The following KCNIP1 variants were observed in gnomAD, a reference collection of about 807,000 sequenced individuals.
The protein encoded by KCNIP1 is A-type potassium channel modulatory protein KCNIP1.
In KCNIP1, 18 loss-of-function variants were observed where a neutral mutation model predicts 33.0. The ratio of observed to expected loss-of-function variants is 0.55; its 90% CI spans 0.38 to 0.81. The LOEUF is 0.81. Ranked by LOEUF, KCNIP1 falls within the 30% of genes least tolerant of loss-of-function variation. The pLI, the probability that KCNIP1 is intolerant of heterozygous loss-of-function variation, is 0.00. For missense variants in KCNIP1, 238 were observed against 271.6 expected (o/e 0.88, Z 0.87); for synonymous variants, 93 against 98.3 (o/e 0.95, Z 0.32).
chr5:170,408,560 T>C (rs537491416), intron 1 of KCNIP1, among the ~76,000 whole-genome samples: 3 of 152,284 alleles, frequency 2.0e-5, no homozygotes, highest in African/African-American at 7.2e-5. Context: ...CTGCTTTCCA[T>C]GTGTCAGACA....
chr5:170,415,894 T>C (rs1297691538), intron 1 of KCNIP1, among the ~76,000 whole-genome samples: 2 of 152,056 alleles, frequency 1.3e-5, no homozygotes, highest in Admixed American at 6.5e-5. Context: ...TGGGAAGTCA[T>C]GAGGAAGAAC....
chr5:170,664,194 C>T (rs530608916), intron 1 of KCNIP1, among the ~76,000 whole-genome samples: 3 of 152,272 alleles, frequency 2.0e-5, no homozygotes, highest in African/African-American at 7.2e-5. Flanking sequence ...TTCCTGCACC[C>T]CCATCCACTC....
chr5:170,697,705 C>T (rs1762946821), intron 1 of KCNIP1, among the ~76,000 whole-genome samples: 1 of 152,170 alleles, frequency 6.6e-6, no homozygotes, highest in Non-Finnish European at 1.5e-5. Context: ...CTTTCTGACC[C>T]TCATGGCTCC....
intron 1 of KCNIP1, among the ~76,000 whole-genome samples, chr5:170,701,882 C>A (rs1270658404): frequency 6.6e-6 from 1 of 152,122 alleles, no homozygotes; most frequent in African/African-American, 2.4e-5. Flanking sequence ...GCGACAGGAG[C>A]CTTTGTTTGA....
intron 1 of KCNIP1, among the ~76,000 whole-genome samples, chr5:170,581,744 A>G (rs1046632079): frequency 1.3e-5 from 2 of 152,232 alleles, no homozygotes; most frequent in Admixed American, 6.5e-5. Context: ...CCCACTGTCT[A>G]TGTCTGTTTG....
At chr5:170,478,589 C>T (rs1264586650) in intron 1 of KCNIP1, among the ~76,000 whole-genome samples, 2 of 152,162 alleles carry the variant, frequency 1.3e-5, no homozygotes, top group African/African-American at 4.8e-5. Flanking sequence ...GCGACTCCAC[C>T]ATGGTCAGTT....
At chr5:170,394,197 C>T (rs1334270940) in intron 1 of KCNIP1, among the ~76,000 whole-genome samples, 1 of 152,220 alleles carries the variant, frequency 6.6e-6, no homozygotes, top group Non-Finnish European at 1.5e-5. Flanking sequence ...GGCCTTCCCT[C>T]GCCCCCAGCC....
Position 170,504,966 on chromosome 5 carries a change from C to A in KCNIP1, c.61+333C>A, listed in dbSNP as rs962854986. 2.0e-5 allele frequency among the ~76,000 whole-genome samples: 3 copies of A among 152,208 alleles called. No homozygotes were observed. The highest frequency in any genetic ancestry group is 1.3e-4 in the Admixed American group (2 of 15,286). On this transcript the variant is annotated intron_variant, in intron 1 of 7. Coordinates refer to ENST00000328939, the MANE Select transcript of KCNIP1 (RefSeq NM_014592.4). This position sits in a 1 kb window ranked among gnomAD's most constrained non-coding sequence, Gnocchi z 6.0. ...ATTCTCTGGTGGAAGTGTGGTGAAG[C>A]TCTTCCCATTCCCATGACAGCTGGC...
intron 1 of KCNIP1, among the ~76,000 whole-genome samples, chr5:170,373,636 G>A (rs1581120443): frequency 6.6e-6 from 1 of 152,134 alleles, no homozygotes; most frequent in East Asian, 1.9e-4. Flanking sequence ...AAGTATATTG[G>A]GAGAAGTGGT....
At chr5:170,393,022 A>G (rs539502206) in intron 1 of KCNIP1, among the ~76,000 whole-genome samples, 47 of 152,170 alleles carry the variant, frequency 3.1e-4, no homozygotes, top group South Asian at 8.3e-4. Context: ...AATCCCCCAC[A>G]AAAGGCCTTG....
intron 1 of KCNIP1, among the ~76,000 whole-genome samples, chr5:170,666,951 C>T (rs907940470): frequency 5.9e-5 from 9 of 152,204 alleles, no homozygotes; most frequent in African/African-American, 9.6e-5. Context: ...CTCTTCTTTA[C>T]GAAGTAAATG....
chr5:170,503,393 C>CAAAA (rs10628243), upstream of KCNIP1, among the ~76,000 whole-genome samples: 63 of 112,464 alleles, frequency 5.6e-4, no homozygotes, highest in South Asian at 9.2e-4. Context: ...GACTCCGTCT[C>CAAAA]AAAAAAAAAA....
intron 1 of KCNIP1, chr5:170,712,812 C>A: frequency 1.2e-6 from 2 of 1,603,628 alleles, no homozygotes; most frequent in Non-Finnish European, 1.7e-6. Context: ...TTTTGCTTTT[C>A]GATGAATCGA....
chr5:170,664,710 T>C lies in KCNIP1; in HGVS notation c.62-54048T>C, dbSNP rs576364764. ...AAGGCGCCCTGCCCTCAAGGGGTTT[T>C]CAGTTTAGTGGGGAGCAAAGCAAAA... On this transcript the variant is annotated intron_variant, in intron 1 of 7. Coordinates refer to ENST00000328939, the MANE Select transcript of KCNIP1 (RefSeq NM_014592.4). 3.9e-5 allele frequency among the ~76,000 whole-genome samples: 6 copies of C among 152,314 alleles called. No homozygotes were observed. The East Asian group carries it at 1.2e-3, about 29-fold the overall frequency.
chr5:170,443,419 GA>G (rs1427616624), intron 1 of KCNIP1, among the ~76,000 whole-genome samples: 1 of 152,186 alleles, frequency 6.6e-6, no homozygotes, highest in African/African-American at 2.4e-5. Context: ...ATGGAAGTGG[GA>G]AGAAAGCAGG....
intron 1 of KCNIP1, among the ~76,000 whole-genome samples, chr5:170,487,068 G>A (rs1437114687): frequency 6.6e-6 from 1 of 152,206 alleles, no homozygotes; most frequent in Non-Finnish European, 1.5e-5. Flanking sequence ...GAGAGAGAAA[G>A]AGATTTCCTT....
At chr5:170,638,812 C>A (rs754161085) in intron 1 of KCNIP1, among the ~76,000 whole-genome samples, 1 of 152,206 alleles carries the variant, frequency 6.6e-6, no homozygotes, top group Admixed American at 6.5e-5. Context: ...TCAGGGGAAC[C>A]CTCCTCCTCT....
chr5:170,721,896 A>G lies in KCNIP1; in HGVS notation c.320A>G (p.Lys107Arg). The change falls in exon 4 of 8, where the codon AAG becomes AGG. Residue 107 changes from lysine (K) to arginine (R), a missense_variant. Physicochemically the swap from Lys to Arg is conservative, Grantham distance 26 (BLOSUM62 2). Transcript: ENST00000328939. ...GACACCACTCAGACAGGCTCCGTGA[A>G]GTTCGAGGTACGCTCATCTGGGGTC... ...AFDTTQTGSV[K>R]FEDFVTALSI... The G allele has an allele frequency of 6.2e-7, 1 of 1,614,120 alleles. No individual in the cohort carries two copies. The highest frequency in any genetic ancestry group is 1.3e-5 in the African/African-American group (1 of 75,044).
chr5:170,393,564 G>T (rs555550397), intron 1 of KCNIP1, among the ~76,000 whole-genome samples: 1 of 152,162 alleles, frequency 6.6e-6, no homozygotes, highest in Non-Finnish European at 1.5e-5. Context: ...CAAAAATACA[G>T]AACAGAAAGT....
Sources: allele counts gnomAD v4.1 joint callset (sites outside exome capture counted in the v4.1 genomes callset), GRCh38; gene constraint gnomAD v4.1.1; non-coding constraint Gnocchi (gnomAD v3.1); transcripts MANE v1.5; gene names NCBI Gene and HGNC (gene_info 2026-07-23, HGNC 2026-07-21).